The following RALB variants were observed in gnomAD, a reference collection of about 807,000 sequenced individuals.
RALB encodes the protein ras-related protein Ral-B.
RALB carries 16 observed loss-of-function variants against 21.3 expected under a neutral mutation model. The ratio of observed to expected loss-of-function variants is 0.75; its 90% CI spans 0.51 to 1.14. RALB has a LOEUF of 1.14. RALB is among the 50% of genes most tolerant of loss of function. The pLI is 0.00. For synonymous variants in RALB, 93 were observed against 96.1 expected, an observed-to-expected ratio of 0.97 and a Z score of 0.19; for missense variants, 161 against 256.2, an observed-to-expected ratio of 0.63 and a Z score of 2.54.
At chr2:120,273,043 G>A (rs1043459239) in intron 1 of RALB, among the ~76,000 whole-genome samples, 3 of 152,184 alleles carry the variant, frequency 2.0e-5, no homozygotes, top group Non-Finnish European at 2.9e-5. Context: ...GTCATCGCCC[G>A]TTGGGTCTTC....
chr2:120,274,126 A>G (rs1327555457), intron 1 of RALB, among the ~76,000 whole-genome samples: 1 of 152,180 alleles, frequency 6.6e-6, no homozygotes, highest in East Asian at 1.9e-4. Flanking sequence ...ATTGATTCAG[A>G]GAAATTGTGT....
At chr2:120,269,624 A>G (rs971994025) in intron 1 of RALB, among the ~76,000 whole-genome samples, 2 of 152,222 alleles carry the variant, frequency 1.3e-5, no homozygotes, top group Admixed American at 6.5e-5. Context: ...TCCTAGCTAC[A>G]GAGGACTGAT....
upstream of RALB, among the ~76,000 whole-genome samples, chr2:120,249,509 G>A (rs1689020857): frequency 6.6e-6 from 1 of 152,160 alleles, no homozygotes; most frequent in Non-Finnish European, 1.5e-5. Context: ...AGGCATAGTG[G>A]GAGCAGGTGC....
chr2:120,292,569 A>G (rs748795495), intron 4 of RALB, among the ~76,000 whole-genome samples: 21 of 152,278 alleles, frequency 1.4e-4, no homozygotes, highest in Admixed American at 5.9e-4. Flanking sequence ...ATTACTCTCA[A>G]TATTTGTAAA....
chr2:120,258,823 T>G (rs1347872101), intron 1 of RALB, among the ~76,000 whole-genome samples: 1 of 152,160 alleles, frequency 6.6e-6, no homozygotes, highest in Admixed American at 6.5e-5. Context: ...CCGGAATTGG[T>G]GGGTTCTTGG....
chr2:120,241,248 G>T (rs1028084111), intron 1 of RALB, among the ~76,000 whole-genome samples: 1 of 152,192 alleles, frequency 6.6e-6, no homozygotes, highest in Non-Finnish European at 1.5e-5. Context: ...GAGCCACAAG[G>T]CCCAAGGTCC....
At position 120,293,584 on chromosome 2, in the gene RALB, A is replaced by G; in HGVS notation, c.*324A>G. 5.7e-6 allele frequency: 1 copy of G among 176,328 alleles called. No homozygotes were observed. The highest frequency in any genetic ancestry group is 1.2e-5 in the Non-Finnish European group (1 of 84,466). The allele number at this position is 176,328 out of a possible 1,614,324, so 10.9% of individuals were successfully genotyped here. A position where few individuals can be genotyped will look rare whatever the true frequency, so the allele number is the denominator to read the frequency against. On this transcript the variant is annotated 3_prime_UTR_variant, in exon 5 of 5. Coordinates refer to ENST00000272519, the MANE Select transcript of RALB (RefSeq NM_002881.3). ...AGAGAAAGAATTGTCATAGCATCTT[A>G]TTTTGTTCCTAGTTTTATAACATTA...
chr2:120,259,899 G>T (rs1014357606), intron 1 of RALB, among the ~76,000 whole-genome samples: 1 of 152,214 alleles, frequency 6.6e-6, no homozygotes, highest in African/African-American at 2.4e-5. Context: ...CTGCCCCGTG[G>T]GAAGGCAGCC....
intron 4 of RALB, among the ~76,000 whole-genome samples, chr2:120,292,892 CT>C (rs1182644680): frequency 2.6e-5 from 4 of 151,718 alleles, no homozygotes; most frequent in Admixed American, 1.3e-4. Flanking sequence ...GAGATGTTTG[CT>C]TTGTATAATT....
chr2:120,291,444 AG>A (rs1474560907), intron 4 of RALB, among the ~76,000 whole-genome samples: 1 of 152,168 alleles, frequency 6.6e-6, no homozygotes, highest in Non-Finnish European at 1.5e-5. Context: ...TAAAAAAATC[AG>A]GGAGACTCTC....
intron 1 of RALB, among the ~76,000 whole-genome samples, chr2:120,277,693 GTGTA>G (rs1689852701): frequency 6.6e-6 from 1 of 151,318 alleles, no homozygotes; most frequent in Non-Finnish European, 1.5e-5. Context: ...GAGTGAAAGT[GTGTA>G]TGTGGGTGTG....
At chr2:120,256,287 C>T (rs1313673190) in intron 1 of RALB, among the ~76,000 whole-genome samples, 1 of 152,162 alleles carries the variant, frequency 6.6e-6, no homozygotes, top group Non-Finnish European at 1.5e-5. Flanking sequence ...AGCTTTTCTC[C>T]CCAGAGCAAG....
chr2:120,273,752 C>T (rs1230346797), intron 1 of RALB, among the ~76,000 whole-genome samples: 2 of 152,194 alleles, frequency 1.3e-5, no homozygotes, highest in African/African-American at 4.8e-5. Context: ...AGAATCTTTG[C>T]AAAGGCAGTT....
intron 2 of RALB, among the ~76,000 whole-genome samples, chr2:120,283,122 G>C (rs886125134): frequency 6.6e-6 from 1 of 152,186 alleles, no homozygotes; most frequent in African/African-American, 2.4e-5. Flanking sequence ...AGGTGTGGCA[G>C]CTCCTGCCTG....
chr2:120,278,247 C>T (rs892130827), intron 1 of RALB, among the ~76,000 whole-genome samples: 14 of 152,110 alleles, frequency 9.2e-5, no homozygotes, highest in African/African-American at 3.1e-4. Flanking sequence ...CTGTTCTCCG[C>T]GGCAGCCGAG....
intron 1 of RALB, among the ~76,000 whole-genome samples, chr2:120,240,851 T>A (rs2104561824): frequency 6.6e-6 from 1 of 152,232 alleles, no homozygotes; most frequent in Non-Finnish European, 1.5e-5. Flanking sequence ...GTGTGGGGAC[T>A]TGGGGAGACA....
intron 3 of RALB, 36 bp from the exon 4 acceptor site, chr2:120,289,544 T>C (rs1364576986): frequency 1.2e-6 from 2 of 1,600,666 alleles, no homozygotes; most frequent in Non-Finnish European, 1.7e-6. Flanking sequence ...GTTCTTTAGT[T>C]TTTTTAGCTG....
In RALB at chr2:120,252,957, C is replaced by G. The variant is rs1689092457; in HGVS notation, c.-71C>G. 1 of 985,344 alleles carries G rather than the reference C, an allele frequency of 1.0e-6. No homozygotes were observed. The allele number at this position is 985,344 out of a possible 1,614,324, so 61.0% of individuals were successfully genotyped here. A position where few individuals can be genotyped will look rare whatever the true frequency, so the allele number is the denominator to read the frequency against. On this transcript the variant is annotated 5_prime_UTR_variant, in exon 1 of 5. Coordinates refer to ENST00000272519, the MANE Select transcript of RALB (RefSeq NM_002881.3). ...AGAGCTGCGGGCCGGGTGCGGACGG[C>G]GGAGGCGGCGGGACTGGTCCCTGGT...
chr2:120,260,006 T>G (rs6542583), intron 1 of RALB, among the ~76,000 whole-genome samples: 1 of 152,082 alleles, frequency 6.6e-6, no homozygotes, highest in African/African-American at 2.4e-5. Context: ...GCTAAGTCCC[T>G]CATTGCCCGG....
Sources: gnomAD v4.1 joint callset for allele counts (sites outside exome capture counted in the v4.1 genomes callset) on GRCh38, gnomAD v4.1.1 for gene constraint, MANE v1.5 for transcripts, NCBI Gene and HGNC (gene_info 2026-07-23, HGNC 2026-07-21) for gene names.